The following RAB28 variants were observed in gnomAD, a reference collection of about 807,000 sequenced individuals.
RAB28 encodes RAB28, member RAS oncogene family.
In RAB28, 24 loss-of-function variants were observed where a neutral mutation model predicts 31.7. The observed-to-expected ratio is 0.76, with a 90% CI of 0.55 to 1.06. The LOEUF is 1.06. Ranked by LOEUF, RAB28 falls within the 50% of genes least tolerant of loss-of-function variation. The pLI, the probability that RAB28 is intolerant of heterozygous loss-of-function variation, is 0.00. For missense variants in RAB28, 254 were observed against 258.5 expected, an observed-to-expected ratio of 0.98 and a Z score of 0.12; for synonymous variants, 100 against 90.4, an observed-to-expected ratio of 1.11 and a Z score of -0.60.
Position 13,433,434 on chromosome 4 carries a change from G to A in RAB28, c.391+27265C>T, listed in dbSNP as rs184228544. ...CAGGTCAAATACCCAGAATCTATAG[G>A]GAACTTAATTCAACAAGCAAAACAA... On this transcript the variant is annotated intron_variant, in intron 4 of 6. Transcript: ENST00000330852. Among the ~76,000 whole-genome samples, 193 of 152,042 alleles carry A rather than the reference G, an allele frequency of 1.3e-3. 2 individuals are homozygous for A. The highest frequency in any genetic ancestry group is 4.5e-3 in the African/African-American group (185 of 41,502).
chr4:13,463,949 C>G (rs1715719496), intron 3 of RAB28, among the ~76,000 whole-genome samples: 1 of 151,982 alleles, frequency 6.6e-6, no homozygotes, highest in African/African-American at 2.4e-5. Flanking sequence ...GCAGAACAAA[C>G]TGAAAAATCA....
chr4:13,394,674 CAAA>C (rs1729793331), intron 4 of RAB28, among the ~76,000 whole-genome samples: 1 of 152,042 alleles, frequency 6.6e-6, no homozygotes, highest in African/African-American at 2.4e-5. Flanking sequence ...TTGAGGAAAA[CAAA>C]GAAGTATAAT....
intron 4 of RAB28, among the ~76,000 whole-genome samples, chr4:13,388,674 A>G (rs1273577781): frequency 6.6e-6 from 1 of 152,094 alleles, no homozygotes; most frequent in Non-Finnish European, 1.5e-5. Context: ...ACTCAACAAC[A>G]AAAAACACAA....
At chr4:13,462,865 C>T (rs1272513620) in intron 3 of RAB28, among the ~76,000 whole-genome samples, 2 of 152,168 alleles carry the variant, frequency 1.3e-5, no homozygotes, top group Non-Finnish European at 2.9e-5. Context: ...GAACTGATAT[C>T]TGAAGAAGAT....
At chr4:13,414,777 A>T (rs1326952696) in intron 4 of RAB28, among the ~76,000 whole-genome samples, 1 of 152,234 alleles carries the variant, frequency 6.6e-6, no homozygotes, top group Non-Finnish European at 1.5e-5. Context: ...AGGCTGGTTT[A>T]ACATTAGATC....
chr4:13,475,495 G>C (rs1716318313), intron 2 of RAB28, among the ~76,000 whole-genome samples: 1 of 151,520 alleles, frequency 6.6e-6, no homozygotes, highest in Non-Finnish European at 1.5e-5. Flanking sequence ...ATCAGAGAAA[G>C]TTAGTCATAC....
In RAB28 at chr4:13,407,599, G is replaced by A. The variant is rs147486224; in HGVS notation, c.392-26005C>T. 4.6e-3 allele frequency among the ~76,000 whole-genome samples: 702 copies of A among 152,216 alleles called. 6 individuals carry two copies. Among genetic ancestry groups the A allele is most frequent in the African/African-American group, 0.016 (665 of 41,540 alleles). Reference sequence around the variant, plus strand: ...ATTGAATCTATAAATCACTTTGGGCGATATGGCCACTTTCGCGATATTGAT... The same window carrying A: ...ATTGAATCTATAAATCACTTTGGGCAATATGGCCACTTTCGCGATATTGAT... On this transcript the variant is annotated intron_variant, in intron 4 of 6. Coordinates refer to ENST00000330852, the MANE Select transcript of RAB28 (RefSeq NM_001017979.3).
chr4:13,453,812 T>C (rs991379168), intron 4 of RAB28, among the ~76,000 whole-genome samples: 1 of 152,160 alleles, frequency 6.6e-6, no homozygotes, highest in African/African-American at 2.4e-5. Context: ...GAGGACCTCT[T>C]TGGGTTAAAT....
chr4:13,463,868 T>C (rs1715715035), intron 3 of RAB28, among the ~76,000 whole-genome samples: 1 of 152,084 alleles, frequency 6.6e-6, no homozygotes, highest in Non-Finnish European at 1.5e-5. Context: ...TTATAGGACC[T>C]TCACTTTCAG....
intron 4 of RAB28, among the ~76,000 whole-genome samples, chr4:13,413,893 G>C (rs1182000206): frequency 3.9e-5 from 6 of 152,158 alleles, no homozygotes; most frequent in African/African-American, 1.4e-4. Context: ...TAGCTTGCCA[G>C]CTGGCCAGCA....
At chr4:13,455,908 A>T (rs1280388901) in intron 4 of RAB28, among the ~76,000 whole-genome samples, 1 of 152,240 alleles carries the variant, frequency 6.6e-6, no homozygotes, top group Admixed American at 6.5e-5. Context: ...TGGACTTCCG[A>T]TCACCAAGTG....
At chr4:13,424,708 A>G (rs987553123) in intron 4 of RAB28, among the ~76,000 whole-genome samples, 11 of 152,216 alleles carry the variant, frequency 7.2e-5, no homozygotes, top group Non-Finnish European at 1.6e-4. Flanking sequence ...GCAACTGCCT[A>G]TACTTCTGTT....
intron 4 of RAB28, among the ~76,000 whole-genome samples, chr4:13,454,076 G>C (rs563099807): frequency 1.3e-5 from 2 of 151,702 alleles, no homozygotes; most frequent in Non-Finnish European, 2.9e-5. Context: ...CAAAAGGCTT[G>C]TCTTCAAGTT....
intron 4 of RAB28, among the ~76,000 whole-genome samples, chr4:13,415,929 G>A (rs1161758468): frequency 6.6e-6 from 1 of 152,178 alleles, no homozygotes; most frequent in Non-Finnish European, 1.5e-5. Context: ...CTAGCTCAAG[G>A]TTTGTAAACA....
intron 4 of RAB28, among the ~76,000 whole-genome samples, chr4:13,395,635 A>T (rs1209033768): frequency 6.6e-6 from 1 of 152,060 alleles, no homozygotes; most frequent in Non-Finnish European, 1.5e-5. Flanking sequence ...AACAAGGGAG[A>T]GAACGAACAG....
intron 6 of RAB28, chr4:13,369,912 G>A (rs1415269573): frequency 6.2e-7 from 1 of 1,611,954 alleles, no homozygotes; most frequent in Non-Finnish European, 8.5e-7. Context: ...GAGTAGAGGT[G>A]GTATGTTGAT....
chr4:13,431,223 T>C (rs376477972), intron 4 of RAB28, among the ~76,000 whole-genome samples: 1 of 152,148 alleles, frequency 6.6e-6, no homozygotes, highest in Non-Finnish European at 1.5e-5. Flanking sequence ...ATTTTAGTAG[T>C]AGTAGTCAGA....
chr4:13,473,910 A>G (rs1405426526), intron 3 of RAB28: 3 of 352,482 alleles, frequency 8.5e-6, no homozygotes, highest in Admixed American at 4.2e-5. Context: ...ACAAAAACAT[A>G]GACATATAGA....
At chr4:13,399,825 T>A (rs967103875) in intron 4 of RAB28, among the ~76,000 whole-genome samples, 4 of 152,196 alleles carry the variant, frequency 2.6e-5, no homozygotes, top group African/African-American at 9.6e-5. Flanking sequence ...ACACACCTTC[T>A]CCCAGTTTGT....
Sources: allele counts gnomAD v4.1 joint callset (sites outside exome capture counted in the v4.1 genomes callset), GRCh38; gene constraint gnomAD v4.1.1; transcripts MANE v1.5; gene names NCBI Gene and HGNC (gene_info 2026-07-23, HGNC 2026-07-21).